The following SPEG variants were observed in gnomAD, a reference collection of about 807,000 sequenced individuals.
SPEG encodes the protein striated muscle enriched protein kinase.
SPEG carries 114 observed loss-of-function variants against 300.4 expected under a neutral mutation model. The ratio of observed to expected loss-of-function variants is 0.38; its 90% CI spans 0.33 to 0.44. The LOEUF (loss-of-function observed/expected upper bound fraction) is 0.44. Among genes scored for constraint, SPEG ranks in the 20% least tolerant of loss-of-function variants. SPEG has a pLI of 1.00. For missense variants in SPEG, 4,201 were observed against 4,586.2 expected (o/e 0.92, Z 2.43); for synonymous variants, 1,964 against 2,018.9 (o/e 0.97, Z 0.73).
At chr2:219,452,983 G>A (rs753305045) in intron 6 of SPEG, among the ~76,000 whole-genome samples, 17 of 152,120 alleles carry the variant, frequency 1.1e-4, no homozygotes, top group Non-Finnish European at 2.4e-4. Flanking sequence ...TATCCCTCCC[G>A]GGGCCCATTT....
At position 219,479,588 on chromosome 2, in the gene SPEG, TCCTC is replaced by T. The variant is rs971883537; in HGVS notation, c.5086-191_5086-188del. Among the ~76,000 whole-genome samples, 19 of 152,142 alleles carry T rather than the reference TCCTC, an allele frequency of 1.2e-4. No homozygotes were observed. Among genetic ancestry groups the T allele is most frequent in the Admixed American group, 1.0e-3 (16 of 15,288 alleles). ...ATTCTACTTATTACCACGCAATGGC[TCCTC>T]CCTATAATTGTGCTGTACCCTCCGG... On this transcript the variant is annotated intron_variant, in intron 23 of 40. Transcript: ENST00000312358. The surrounding 1 kb of genome is among the most constrained non-coding windows in gnomAD (Gnocchi z 5.5).
At chr2:219,460,905 G>C (rs1690623604) in intron 6 of SPEG, 1 of 986,416 alleles carries the variant, frequency 1.0e-6, no homozygotes, top group Non-Finnish European at 1.2e-6. Context: ...AGCCACGCTG[G>C]GGTGGGCAGT....
In SPEG at chr2:219,483,269, C is replaced by T; in HGVS notation, c.5806C>T (p.Pro1936Ser). The stretch of plus-strand genomic sequence containing the variant: ...AGAGCTGGAAGAGCTGCCCTCAGTG[C>T]CCCGCCCACTGCAGCCCGAGTTCTC... ...EEELEELPSV[P>S]RPLQPEFSGS... Residue 1936 changes from proline to serine, a missense_variant, in exon 30 of 41, where the codon CCC becomes TCC. Transcript: ENST00000312358. 6.2e-7 allele frequency: 1 copy of T among 1,608,734 alleles called. No individual in the cohort carries two copies. The highest frequency in any genetic ancestry group is 8.5e-7 in the Non-Finnish European group (1 of 1,177,936).
rs1241303413 is a variant in SPEG at position 219,492,271 on chromosome 2, C to T, written c.9611+11C>T. 4 of 1,607,490 alleles carry T rather than the reference C, an allele frequency of 2.5e-6. No homozygotes were observed. Among genetic ancestry groups the T allele is most frequent in the East Asian group, 4.5e-5 (2 of 44,722 alleles). ...CTCTGTACATCCCTGGTGAGTGAGC[C>T]CCACACCTGCTATCCCCCAGTGTTA... On this transcript the variant is annotated intron_variant, in intron 40 of 40. Transcript: ENST00000312358.
In SPEG at chr2:219,447,989, C is replaced by A. The variant is rs765722865; in HGVS notation, c.831C>A (p.Ser277Arg). ...GGTTCTGCAGCAGCGTCCCTCAGAGCGGGTTGCGCAGGGAGGAGCCCGACC... is the reference window on the plus strand; with the variant it reads ...GGTTCTGCAGCAGCGTCCCTCAGAGAGGGTTGCGCAGGGAGGAGCCCGACC... ...ALSIHVSVPQ[S>R]GLRREEPDLQ... The change falls in exon 4 of 41, where the codon AGC becomes AGA. Residue 277 changes from serine to arginine, a missense_variant. Ser to Arg is a moderately radical substitution (Grantham distance 110, BLOSUM62 -1). Around this residue, in one of 4 missense-constraint regions of SPEG, gnomAD observed 1,258 missense variants for 1,293.9 expected, o/e 0.97. Transcript: ENST00000312358. 5 of 1,612,424 alleles carry A rather than the reference C, an allele frequency of 3.1e-6. No homozygotes were observed. In the African/African-American group the frequency reaches 6.7e-5, roughly 22 times the overall value.
At position 219,473,322 on chromosome 2, in the gene SPEG, A is replaced by T. The variant is rs554841576; in HGVS notation, c.4148-182A>T. On this transcript the variant is annotated intron_variant, in intron 16 of 40. Coordinates refer to ENST00000312358, the MANE Select transcript of SPEG (RefSeq NM_005876.5). The surrounding 1 kb of genome is among the most constrained non-coding windows in gnomAD (Gnocchi z 4.6). ...ATCGGGCCTGCTGGGGTCCAACCCCACAACCTCAGCTTTGCTGCTCTCTGG... is the reference window on the plus strand; with the variant it reads ...ATCGGGCCTGCTGGGGTCCAACCCCTCAACCTCAGCTTTGCTGCTCTCTGG... 6.5e-6 allele frequency: 5 copies of T among 766,460 alleles called. No individual in the cohort carries two copies. The highest frequency in any genetic ancestry group is 5.3e-5 in the South Asian group (3 of 56,098). The allele number at this position is 766,460 out of a possible 1,614,324, so 47.5% of individuals were successfully genotyped here.
In SPEG at chr2:219,489,788, C is replaced by A; in HGVS notation, c.8770C>A (p.Pro2924Thr). 1 of 1,613,712 alleles carries A rather than the reference C, an allele frequency of 6.2e-7. No individual in the cohort carries two copies. Among genetic ancestry groups the A allele is most frequent in the African/African-American group, 1.3e-5 (1 of 75,048 alleles). The change falls in exon 36 of 41, where the codon CCT becomes ACT. Residue 2924 changes from proline to threonine, a missense_variant. Coordinates refer to ENST00000312358, the MANE Select transcript of SPEG (RefSeq NM_005876.5). ...EPPAPEPPPE[P>T]TKVTVQSLSP... is the part of the protein sequence containing the mutation. ...CCCAGCCCCTGAGCCCCCTCCTGAG[C>A]CTACCAAGGTGACTGTGCAGAGCCT...
At position 219,483,582 on chromosome 2, in the gene SPEG, T is replaced by C. The variant is rs973759302; in HGVS notation, c.6119T>C (p.Leu2040Pro). 5.5e-6 allele frequency: 8 copies of C among 1,466,958 alleles called. No individual in the cohort carries two copies. Among genetic ancestry groups the C allele is most frequent in the Non-Finnish European group, 7.1e-6 (8 of 1,120,712 alleles). 90.9% of individuals were successfully genotyped at this position (1,466,958 alleles called of 1,614,324 possible). The stretch of plus-strand genomic sequence containing the variant: ...CTGCACAAGGCGGCGTCTGTGGAGC[T>C]GCCGCAGCGCCGGAGCCCCAGCCCG... ...RGLHKAASVE[L>P]PQRRSPSPGA... Residue 2040 changes from leucine (L) to proline (P), a missense_variant, in exon 30 of 41, where the codon CTG becomes CCG. Transcript: ENST00000312358.
At position 219,448,272 on chromosome 2, in the gene SPEG, C is replaced by G. The variant is rs781062591; in HGVS notation, c.1114C>G (p.Arg372Gly). The G allele has an allele frequency of 4.3e-6, 7 of 1,611,732 alleles. No homozygotes were observed. The highest frequency in any genetic ancestry group is 1.1e-5 in the South Asian group (1 of 91,024). ...CTCCCTGGCGGGCACCGCGGAATCC[C>G]GACCCCAGACGCCACTGAGCGAGGC... Reference protein sequence around the residue: ...GPSLAGTAESRPQTPLSEASG... With the variant: ...GPSLAGTAESGPQTPLSEASG... Residue 372 changes from arginine to glycine, a missense_variant, in exon 4 of 41, where the codon CGA becomes GGA. Arg to Gly is a moderately radical substitution (Grantham distance 125, BLOSUM62 -2). Transcript: ENST00000312358.
chr2:219,451,826 C>A lies in SPEG; in HGVS notation c.2440+19C>A. On this transcript the variant is annotated intron_variant, in intron 6 of 40. Coordinates refer to ENST00000312358, the MANE Select transcript of SPEG (RefSeq NM_005876.5). The surrounding 1 kb of genome is among the most constrained non-coding windows in gnomAD (Gnocchi z 6.4). Reference sequence around the variant, plus strand: ...AGACCCGGTAGGGAGCCCATCAACCCTGGGGCTGGGTGGGGGCAAGCCGTG... The same window carrying A: ...AGACCCGGTAGGGAGCCCATCAACCATGGGGCTGGGTGGGGGCAAGCCGTG... 6.6e-7 allele frequency: 1 copy of A among 1,509,134 alleles called. No homozygotes were observed. The highest frequency in any genetic ancestry group is 8.9e-7 in the Non-Finnish European group (1 of 1,122,540). The allele number at this position is 1,509,134 out of a possible 1,614,324, so 93.5% of individuals were successfully genotyped here.
rs890086925 is a variant in SPEG at position 219,448,915 on chromosome 2, C to G, written c.1757C>G (p.Pro586Arg). ...PAGRTEPGEG[P>R]QQEVRRRDQF... ...GGCAGGACAGAGCCGGGGGAAGGCC[C>G]GCAGCAGGAGGTTAGGCGTCGGGAC... The change falls in exon 4 of 41, where the codon CCG becomes CGG. Residue 586 changes from proline to arginine, a missense_variant. Coordinates refer to ENST00000312358, the MANE Select transcript of SPEG (RefSeq NM_005876.5). The G allele has an allele frequency of 2.0e-6, 3 of 1,468,220 alleles. No individual in the cohort carries two copies. Among genetic ancestry groups the G allele is most frequent in the East Asian group, 2.9e-5 (1 of 34,940 alleles). 90.9% of individuals were successfully genotyped at this position (1,468,220 alleles called of 1,614,324 possible). A position where few individuals can be genotyped will look rare whatever the true frequency, so the allele number is the denominator to read the frequency against.
Position 219,449,056 on chromosome 2 carries a change from C to T in SPEG, c.1898C>T (p.Pro633Leu). 1.3e-6 allele frequency: 2 copies of T among 1,518,736 alleles called. No individual in the cohort carries two copies. The highest frequency in any genetic ancestry group is 2.5e-5 in the South Asian group (2 of 80,888). 94.1% of individuals were successfully genotyped at this position (1,518,736 alleles called of 1,614,324 possible). ...GCACCCCCCGGTCGGAAGCGGGAGC[C>T]CCCGGCGCAGGCCGTGCGCTTCCTG... ...TKAPPGRKREPPAQAVRFLPW... is the reference protein window; with the variant it reads ...TKAPPGRKRELPAQAVRFLPW... Residue 633 changes from proline to leucine, a missense_variant, in exon 4 of 41, where the codon CCC becomes CTC. Coordinates refer to ENST00000312358, the MANE Select transcript of SPEG (RefSeq NM_005876.5).
rs756178650 is a variant in SPEG at position 219,478,017 on chromosome 2, C to T, written c.4939C>T (p.Arg1647Trp). 9.9e-6 allele frequency: 16 copies of T among 1,614,068 alleles called. No individual in the cohort carries two copies. Among genetic ancestry groups the T allele is most frequent in the East Asian group, 4.5e-5 (2 of 44,896 alleles). Reference protein sequence around the residue: ...KPKASARREARLLARLQHDCV... With the variant: ...KPKASARREAWLLARLQHDCV... ...AAAGGCATCAGCGCGTCGGGAGGCC[C>T]GGCTGCTGGCCAGGCTCCAGCACGA... is the stretch of plus-strand genomic sequence containing the variant. The change falls in exon 22 of 41, where the codon CGG becomes TGG. Residue 1647 changes from arginine (R) to tryptophan (W), a missense_variant. Coordinates refer to ENST00000312358, the MANE Select transcript of SPEG (RefSeq NM_005876.5).
chr2:219,477,663 C>A lies in SPEG; in HGVS notation c.4730-26C>A. On this transcript the variant is annotated intron_variant, in intron 20 of 40. Transcript: ENST00000312358. This position sits in a 1 kb window ranked among gnomAD's most constrained non-coding sequence, Gnocchi z 6.4. ...CCTGCTTGCTTTCTTCCCCTCCCACCTAACACCATGACATCTCTGCCCCAG... is the reference window on the plus strand; with the variant it reads ...CCTGCTTGCTTTCTTCCCCTCCCACATAACACCATGACATCTCTGCCCCAG... 1 of 1,539,800 alleles carries A rather than the reference C, an allele frequency of 6.5e-7. No homozygotes were observed. Among genetic ancestry groups the A allele is most frequent in the East Asian group, 2.3e-5 (1 of 44,146 alleles).
intron 31 of SPEG, among the ~76,000 whole-genome samples, chr2:219,485,697 A>G (rs1012079552): frequency 2.0e-5 from 3 of 152,182 alleles, no homozygotes; most frequent in African/African-American, 7.2e-5. Context: ...ATCCTGCAGC[A>G]CTGTTTGGGA....
At position 219,448,950 on chromosome 2, in the gene SPEG, C is replaced by G. The variant is rs1459542933; in HGVS notation, c.1792C>G (p.Leu598Val). ...GGTTAGGCGTCGGGACCAATTCCCG[C>G]TGACCCGGAGCAGAGCCATCCAGGA... Reference protein sequence around the residue: ...QEVRRRDQFPLTRSRAIQECR... With the variant: ...QEVRRRDQFPVTRSRAIQECR... Residue 598 changes from leucine (L) to valine (V), a missense_variant, in exon 4 of 41, where the codon CTG becomes GTG. By Grantham distance (32) the Leu-to-Val change is conservative (BLOSUM62 1). This residue lies in a region of SPEG where 1,258 missense variants were observed against 1,293.9 expected (regional missense o/e 0.97). Transcript: ENST00000312358. 2 of 1,505,550 alleles carry G rather than the reference C, an allele frequency of 1.3e-6. No individual in the cohort carries two copies. Among genetic ancestry groups the G allele is most frequent in the South Asian group, 2.5e-5 (2 of 79,202 alleles). 93.3% of individuals were successfully genotyped at this position (1,505,550 alleles called of 1,614,324 possible). A position where few individuals can be genotyped will look rare whatever the true frequency, so the allele number is the denominator to read the frequency against.
In SPEG at chr2:219,444,837, C is replaced by T; in HGVS notation, c.491C>T (p.Thr164Ile). 6.3e-7 allele frequency: 1 copy of T among 1,584,716 alleles called. No homozygotes were observed. ...AFSTPTGGSDTLVGTSLDTPP... is the reference protein window; with the variant it reads ...AFSTPTGGSDILVGTSLDTPP... ...CTCCTTTCTCTAGGGGGTTCTGACA[C>T]CCTGGTGGGCACCTCCCTGGACACA... is the stretch of plus-strand genomic sequence containing the variant. Residue 164 changes from threonine (T) to isoleucine (I), a missense_variant, in exon 3 of 41, where the codon ACC becomes ATC. Around this residue, in one of 4 missense-constraint regions of SPEG, gnomAD observed 1,258 missense variants for 1,293.9 expected, o/e 0.97. Transcript: ENST00000312358. This position sits in a 1 kb window ranked among gnomAD's most constrained non-coding sequence, Gnocchi z 7.8.
Position 219,451,557 on chromosome 2 carries a change from G to T in SPEG, c.2258-68G>T. 7.2e-7 allele frequency: 1 copy of T among 1,396,064 alleles called. No homozygotes were observed. The highest frequency in any genetic ancestry group is 9.5e-7 in the Non-Finnish European group (1 of 1,056,102). 86.5% of individuals were successfully genotyped at this position (1,396,064 alleles called of 1,614,324 possible). A position where few individuals can be genotyped will look rare whatever the true frequency, so the allele number is the denominator to read the frequency against. On this transcript the variant is annotated intron_variant, in intron 5 of 40. Transcript: ENST00000312358. This position sits in a 1 kb window ranked among gnomAD's most constrained non-coding sequence, Gnocchi z 6.4. ...TTTGGTCTCCTGTGTGGTGTGTGGG[G>T]TAGGAGTAGAGATTCTCAGTGGGCG...
intron 6 of SPEG, among the ~76,000 whole-genome samples, chr2:219,452,663 G>C (rs1342648853): frequency 6.6e-6 from 1 of 152,164 alleles, no homozygotes; most frequent in Non-Finnish European, 1.5e-5. Context: ...GGACATCCGA[G>C]CCGTTGCTTA....
Sources: allele counts gnomAD v4.1 joint callset (sites outside exome capture counted in the v4.1 genomes callset), GRCh38; gene constraint gnomAD v4.1.1; regional missense constraint gnomAD v4.1.1; non-coding constraint Gnocchi (gnomAD v3.1); transcripts MANE v1.5; gene names NCBI Gene and HGNC (gene_info 2026-07-23, HGNC 2026-07-21).